NCAM1: variants seen among roughly 807,000 people sequenced by gnomAD.
The protein encoded by NCAM1 is neural cell adhesion molecule 1.
In NCAM1, 14 loss-of-function variants were observed where a neutral mutation model predicts 109.8. The observed-to-expected ratio is 0.13, with a 90% confidence interval of 0.08 to 0.20. The LOEUF is 0.20. NCAM1 is among the 10% of genes least tolerant of loss of function. The pLI, the probability that NCAM1 is intolerant of heterozygous loss-of-function variation, is 1.00. For missense variants in NCAM1, 774 were observed against 1,109.9 expected (o/e 0.70, Z 4.30); for synonymous variants, 418 against 442.9 (o/e 0.94, Z 0.70).
At chr11:112,982,687 A>G (rs1951185641) in intron 1 of NCAM1, among the ~76,000 whole-genome samples, 1 of 151,950 alleles carries the variant, frequency 6.6e-6, no homozygotes, top group South Asian at 2.1e-4. Context: ...AAGAGAGGAA[A>G]GAATGGAGAT....
chr11:113,267,317 C>T (rs1253717994), intron 17 of NCAM1, among the ~76,000 whole-genome samples: 3 of 151,998 alleles, frequency 2.0e-5, no homozygotes, highest in African/African-American at 7.3e-5. Flanking sequence ...GCTGGGATGT[C>T]CTAGGGGGGA....
In NCAM1 at chr11:113,240,731, A is replaced by G. The variant is rs1006986956; in HGVS notation, c.1825+5567A>G. On this transcript the variant is annotated intron_variant, in intron 14 of 19. Coordinates refer to ENST00000316851, the MANE Select transcript of NCAM1 (RefSeq NM_181351.5). ...TGTTGCTTCCATTTTTTTTTCATTC[A>G]GTATCTGTGTGCCTCAATGATCTTT... is the stretch of plus-strand genomic sequence containing the variant. The G allele has an allele frequency of 3.9e-6, 6 of 1,548,318 alleles. No individual in the cohort carries two copies. The African/African-American group carries it at 5.5e-5, about 14-fold the overall frequency.
At position 113,232,827 on chromosome 11, in the gene NCAM1, T is replaced by C; in HGVS notation, c.1522+13T>C. 6.2e-7 allele frequency: 1 copy of C among 1,600,762 alleles called. No individual in the cohort carries two copies. Among genetic ancestry groups the C allele is most frequent in the Non-Finnish European group, 8.6e-7 (1 of 1,167,970 alleles). ...CTTGTTCAAGCAGGTGAGTGTCCCT[T>C]ACTCACCTGAGAGCAGCTGCCACAA... is the stretch of plus-strand genomic sequence containing the variant. On this transcript the variant is annotated intron_variant, in intron 12 of 19. Transcript: ENST00000316851.
intron 1 of NCAM1, among the ~76,000 whole-genome samples, chr11:113,156,336 A>T (rs956273345): frequency 6.6e-6 from 1 of 152,180 alleles, no homozygotes; most frequent in Non-Finnish European, 1.5e-5. Context: ...TTGAGATAAG[A>T]TGTACAAAAC....
At chr11:113,062,116 T>C (rs1450681920) in intron 1 of NCAM1, among the ~76,000 whole-genome samples, 3 of 152,186 alleles carry the variant, frequency 2.0e-5, no homozygotes, top group African/African-American at 7.2e-5. Flanking sequence ...TGTGGTAAAA[T>C]ACATGTAACA....
chr11:113,081,162 T>G (rs1368956626), intron 1 of NCAM1, among the ~76,000 whole-genome samples: 10 of 152,000 alleles, frequency 6.6e-5, no homozygotes, highest in Non-Finnish European at 8.8e-5. Context: ...GTAAGAGGGG[T>G]GGCTGGCACA....
intron 17 of NCAM1, among the ~76,000 whole-genome samples, chr11:113,262,128 G>A (rs1176413976): frequency 6.6e-6 from 1 of 152,178 alleles, no homozygotes; most frequent in Non-Finnish European, 1.5e-5. Flanking sequence ...AAACCTCTCT[G>A]AATTACAAGT....
chr11:113,012,007 C>G (rs138194706), intron 1 of NCAM1, among the ~76,000 whole-genome samples: 2 of 136,658 alleles, frequency 1.5e-5, no homozygotes, highest in African/African-American at 2.6e-5. Flanking sequence ...TTCCTTCCTT[C>G]CTTCCTTTCT....
chr11:113,135,384 A>G (rs1442592956), intron 1 of NCAM1, among the ~76,000 whole-genome samples: 1 of 152,176 alleles, frequency 6.6e-6, no homozygotes, highest in African/African-American at 2.4e-5. Flanking sequence ...GGGACTTGAC[A>G]CAGAAAACAG....
In NCAM1 at chr11:112,971,504, C is replaced by T. The variant is rs370364958; in HGVS notation, c.52+9840C>T. ...ATTGAGCATCTAAGCAGTCAGTTAA[C>T]GACAGGGTGTGAAAAAAACAAAACA... On this transcript the variant is annotated intron_variant, in intron 1 of 19. Transcript: ENST00000316851. Among the ~76,000 whole-genome samples the T allele has an allele frequency of 1.4e-3, 218 of 152,114 alleles. 1 individual carries two copies. Among genetic ancestry groups the T allele is most frequent in the Middle Eastern group, 0.014 (4 of 294 alleles).
chr11:113,009,276 T>A (rs1350761000), intron 1 of NCAM1, among the ~76,000 whole-genome samples: 6 of 151,134 alleles, frequency 4.0e-5, no homozygotes, highest in Non-Finnish European at 7.4e-5. Context: ...GCAGGAAGTC[T>A]CCATTGGGCT....
chr11:113,060,434 T>C (rs1953875656), intron 1 of NCAM1, among the ~76,000 whole-genome samples: 1 of 152,224 alleles, frequency 6.6e-6, no homozygotes, highest in Admixed American at 6.5e-5. Flanking sequence ...CTCCATTTCC[T>C]ACCTCATTTA....
At chr11:113,207,129 C>G (rs1169175063) in intron 5 of NCAM1, 132 bp from the exon 6 acceptor site, 10 of 638,900 alleles carry the variant, frequency 1.6e-5, no homozygotes, top group Non-Finnish European at 2.8e-5. Flanking sequence ...ATTCCTGACA[C>G]TAACTCTGTA....
intron 1 of NCAM1, among the ~76,000 whole-genome samples, chr11:113,020,780 G>A (rs1023592912): frequency 2.6e-5 from 4 of 151,972 alleles, no homozygotes; most frequent in African/African-American, 9.7e-5. Context: ...TAATTGGAAG[G>A]GGTCTCACCT....
chr11:113,043,245 C>G, intron 1 of NCAM1, among the ~76,000 whole-genome samples: 1 of 152,122 alleles, frequency 6.6e-6, no homozygotes, highest in East Asian at 1.9e-4. Context: ...GTGTGATATG[C>G]CTGTGTGGTC....
chr11:113,274,309 G>C lies in NCAM1; in HGVS notation c.2457-958G>C, dbSNP rs967022357. On this transcript the variant is annotated intron_variant, in intron 19 of 19. Transcript: ENST00000316851. This position sits in a 1 kb window ranked among gnomAD's most constrained non-coding sequence, Gnocchi z 4.1. ...GCTCTTAGAGTGGCTGGGAAGACTC[G>C]GGGCTCCCCAGCATCAAATGGCTGC... Among the ~76,000 whole-genome samples, 1 of 152,150 alleles carries C rather than the reference G, an allele frequency of 6.6e-6. No individual in the cohort carries two copies. Among genetic ancestry groups the C allele is most frequent in the Non-Finnish European group, 1.5e-5 (1 of 68,028 alleles).
chr11:113,242,477 G>A (rs1945359741), intron 14 of NCAM1, among the ~76,000 whole-genome samples: 1 of 152,130 alleles, frequency 6.6e-6, no homozygotes, highest in Non-Finnish European at 1.5e-5. Flanking sequence ...AGGCGTGGTG[G>A]CATGTGCCTG....
chr11:113,101,410 T>G (rs1473607538), intron 1 of NCAM1, among the ~76,000 whole-genome samples: 1 of 152,254 alleles, frequency 6.6e-6, no homozygotes, highest in Non-Finnish European at 1.5e-5. Flanking sequence ...GTTATTTTCC[T>G]TTGTTACTTT....
At chr11:113,063,195 G>A (rs1937761384) in intron 1 of NCAM1, among the ~76,000 whole-genome samples, 1 of 152,210 alleles carries the variant, frequency 6.6e-6, no homozygotes, top group Non-Finnish European at 1.5e-5. Context: ...AGGATTATGA[G>A]TAAACTCACC....
Sources: allele counts gnomAD v4.1 joint callset (sites outside exome capture counted in the v4.1 genomes callset), GRCh38; gene constraint gnomAD v4.1.1; non-coding constraint Gnocchi (gnomAD v3.1); transcripts MANE v1.5; gene names NCBI Gene and HGNC (gene_info 2026-07-23, HGNC 2026-07-21).